Variants in RCC1 observed in about 807,000 individuals in gnomAD.
RCC1 encodes regulator of chromosome condensation.
A neutral mutation model predicts 44.4 loss-of-function variants in RCC1; 11 were observed. The ratio of observed to expected loss-of-function variants is 0.25; its 90% CI spans 0.16 to 0.41. The LOEUF is 0.41. RCC1 is among the 10% of genes least tolerant of loss of function. The pLI is 1.00. For synonymous variants in RCC1, 213 were observed against 216.5 expected (o/e 0.98, Z 0.14); for missense variants, 386 against 547.1 (o/e 0.71, Z 2.94).
intron 1 of RCC1, chr1:28,507,404 T>C: frequency 1.9e-6 from 1 of 519,116 alleles, no homozygotes; most frequent in Non-Finnish European, 3.8e-6. Flanking sequence ...CTCCCCGGGC[T>C]CTGTCCAAGT....
At chr1:28,531,777 C>T in intron 5 of RCC1, 26 bp from the exon 6 acceptor site, 2 of 1,500,630 alleles carry the variant, frequency 1.3e-6, no homozygotes, top group African/African-American at 1.4e-5. Flanking sequence ...CCTCTACACT[C>T]AGGGTCTATC....
intron 4 of RCC1, chr1:28,526,908 A>G (rs527396727): frequency 2.6e-6 from 2 of 775,690 alleles, no homozygotes; most frequent in Non-Finnish European, 4.5e-6. Context: ...GAAAAAAAAA[A>G]AAAAAGAAAG....
Position 28,532,488 on chromosome 1 carries a change from GA to G in RCC1, c.441+139del, listed in dbSNP as rs780627708. The G allele has an allele frequency of 3.9e-5, 35 of 894,116 alleles. No individual in the cohort carries two copies. In the East Asian group the frequency reaches 6.0e-4, roughly 15 times the overall value. The allele number at this position is 894,116 out of a possible 1,614,324, so 55.4% of individuals were successfully genotyped here. A position where few individuals can be genotyped will look rare whatever the true frequency, so the allele number is the denominator to read the frequency against. On this transcript the variant is annotated intron_variant, in intron 7 of 12. Transcript: ENST00000683442. ...AGCCCACAGGTAGAGCTGAGGCCCAGACCCAGGACTCTAGCTTCCTCATGTG... is the reference window on the plus strand; with the variant it reads ...AGCCCACAGGTAGAGCTGAGGCCCAGCCCAGGACTCTAGCTTCCTCATGTG...
intron 3 of RCC1, chr1:28,510,813 A>G (rs909868061): frequency 1.3e-5 from 2 of 152,284 alleles, no homozygotes; most frequent in Non-Finnish European, 2.9e-5. Context: ...AGTCAGCCCC[A>G]TTCGTCTGTA....
At chr1:28,507,288 G>T in intron 1 of RCC1, 4 of 495,544 alleles carry the variant, frequency 8.1e-6, no homozygotes, top group Non-Finnish European at 8.2e-6. Flanking sequence ...TTGCTTTCTT[G>T]TTTAAGATCT....
At chr1:28,528,844 C>CTTTTTT (rs59005617) in intron 4 of RCC1, among the ~76,000 whole-genome samples, 7 of 87,200 alleles carry the variant, frequency 8.0e-5, no homozygotes, top group Non-Finnish European at 1.3e-4. Context: ...GTTTTTCTTC[C>CTTTTTT]TTTTTTTTTT....
chr1:28,537,015 G>T, intron 12 of RCC1, 116 bp downstream of exon 12: 1 of 1,090,314 alleles, frequency 9.2e-7, no homozygotes. Context: ...AGAGAGCAGT[G>T]TTTGTGATGG....
rs1462819695 is a variant in RCC1 at position 28,538,218 on chromosome 1, G to A, written c.*211G>A. The A allele has an allele frequency of 4.2e-6, 2 of 477,718 alleles. No individual in the cohort carries two copies. Among genetic ancestry groups the A allele is most frequent in the East Asian group, 3.5e-5 (1 of 28,412 alleles). 29.6% of individuals were successfully genotyped at this position (477,718 alleles called of 1,614,324 possible). ...GACCTACAGAATAAAGGGGGGGATG[G>A]ACAGGGGGTTTTCAAAAGGAACATG... On this transcript the variant is annotated 3_prime_UTR_variant, in exon 13 of 13. Transcript: ENST00000683442.
At chr1:28,528,957 G>A (rs1022419836) in intron 4 of RCC1, among the ~76,000 whole-genome samples, 177 of 148,624 alleles carry the variant, frequency 1.2e-3, no homozygotes, top group African/African-American at 4.1e-3. Context: ...CCACCTCCTA[G>A]GTTCAAGCAA....
At chr1:28,508,598 T>C (rs1662230371) in intron 2 of RCC1, 1 of 518,700 alleles carries the variant, frequency 1.9e-6, no homozygotes, top group Admixed American at 1.9e-5. Context: ...CCCCAGGCTC[T>C]GTCCAAGTGG....
chr1:28,528,009 CAAA>C (rs56261878), intron 4 of RCC1, among the ~76,000 whole-genome samples: 16 of 97,596 alleles, frequency 1.6e-4, no homozygotes, highest in Admixed American at 3.5e-4. Flanking sequence ...AACTCTGCTT[CAAA>C]AAAAAAAAAA....
rs150220106 is a variant in RCC1, at chr1:28,507,639, G to C, written c.-261-489G>C. 4.0e-3 allele frequency: 1,671 copies of C among 421,576 alleles called. 30 individuals carry two copies. The African/African-American group carries it at 0.04, about 10-fold the overall frequency. 26.1% of individuals were successfully genotyped at this position (421,576 alleles called of 1,614,324 possible). On this transcript the variant is annotated intron_variant, in intron 1 of 12. Transcript: ENST00000683442. ...TTTTTTTTGGAGATGGAGTCGCTCTGTTGCCCAGGCTGGAGTGCAGTGGCG... is the reference window on the plus strand; with the variant it reads ...TTTTTTTTGGAGATGGAGTCGCTCTCTTGCCCAGGCTGGAGTGCAGTGGCG...
rs201294854 is a variant in RCC1, at chr1:28,532,014, G to C, written c.261+24G>C. On this transcript the variant is annotated intron_variant, in intron 6 of 12. Transcript: ENST00000683442. Reference sequence around the variant, plus strand: ...AGGTAGGTGTTGGGGACTGGCACAGGGTTGGACAAGGCCTGGGGTTGGGTG... The same window carrying C: ...AGGTAGGTGTTGGGGACTGGCACAGCGTTGGACAAGGCCTGGGGTTGGGTG... 9.0e-6 allele frequency: 14 copies of C among 1,562,202 alleles called. No homozygotes were observed. In the East Asian group the frequency reaches 3.1e-4, roughly 35 times the overall value.
At chr1:28,523,177 G>A (rs917121864) in intron 4 of RCC1, among the ~76,000 whole-genome samples, 1 of 151,552 alleles carries the variant, frequency 6.6e-6, no homozygotes, top group African/African-American at 2.4e-5. Flanking sequence ...GACTACAAGC[G>A]CCCGCCACCA....
chr1:28,527,533 C>CTT (rs1663750950), intron 4 of RCC1, among the ~76,000 whole-genome samples: 1 of 152,152 alleles, frequency 6.6e-6, no homozygotes, highest in South Asian at 2.1e-4. Flanking sequence ...GTGGTGGCAC[C>CTT]TTGTCTCTAA....
At chr1:28,515,874 C>G (rs1189909112) in intron 3 of RCC1, among the ~76,000 whole-genome samples, 1 of 151,956 alleles carries the variant, frequency 6.6e-6, no homozygotes, top group Non-Finnish European at 1.5e-5. Flanking sequence ...TGGTGAAACC[C>G]GGTCTCTACT....
In RCC1 at chr1:28,507,600, C is replaced by CTTT. The variant is rs34452349; in HGVS notation, c.-261-509_-261-507dup. 8.6e-4 allele frequency: 300 copies of CTTT among 347,736 alleles called. 7 individuals are homozygous for CTTT. The highest frequency in any genetic ancestry group is 9.9e-4 in the Non-Finnish European group (185 of 186,480). 21.5% of individuals were successfully genotyped at this position (347,736 alleles called of 1,614,324 possible). A position where few individuals can be genotyped will look rare whatever the true frequency, so the allele number is the denominator to read the frequency against. ...TAGAGCACTGAATCTGGATTGAAGT[C>CTTT]TTTTTTTTTTTTTTTTTTTTTGGAG... On this transcript the variant is annotated intron_variant, in intron 1 of 12. Coordinates refer to ENST00000683442, the MANE Select transcript of RCC1 (RefSeq NM_001381865.2).
chr1:28,536,845 G>A lies in RCC1; in HGVS notation c.1036G>A (p.Ala346Thr). 1.2e-6 allele frequency: 2 copies of A among 1,614,192 alleles called. No homozygotes were observed. The highest frequency in any genetic ancestry group is 2.2e-5 in the East Asian group (1 of 44,880). ...ACCCACCCTCATCTCCAGGCTGCCT[G>A]CTGTCTCCTCGGTGGCTTGTGGGGC... ...SIPTLISRLP[A>T]VSSVACGASV... is the part of the protein sequence containing the mutation. The change falls in exon 12 of 13, where the codon GCT becomes ACT. Residue 346 changes from alanine (A) to threonine (T), a missense_variant. Coordinates refer to ENST00000683442, the MANE Select transcript of RCC1 (RefSeq NM_001381865.2). The surrounding 1 kb of genome is among the most constrained non-coding windows in gnomAD (Gnocchi z 4.9).
chr1:28,535,044 T>C lies in RCC1; in HGVS notation c.442-6T>C, dbSNP rs1664456471. The C allele has an allele frequency of 6.2e-7, 1 of 1,612,616 alleles. No individual in the cohort carries two copies. The highest frequency in any genetic ancestry group is 1.3e-5 in the African/African-American group (1 of 74,902). On this transcript the variant is annotated splice_region_variant and splice_polypyrimidine_tract_variant and intron_variant, in intron 7 of 12. Transcript: ENST00000683442. ...GGCTGATAAGTGCCCTGTCCCTCCC[T>C]TCTAGGACAATAACGGTGTGATTGG...
Sources: allele counts gnomAD v4.1 joint callset (sites outside exome capture counted in the v4.1 genomes callset), GRCh38; gene constraint gnomAD v4.1.1; non-coding constraint Gnocchi (gnomAD v3.1); transcripts MANE v1.5; gene names NCBI Gene and HGNC (gene_info 2026-07-23, HGNC 2026-07-21).